The following SATB1 variants were observed in gnomAD, a reference collection of about 807,000 sequenced individuals.
SATB1 encodes the protein DNA-binding protein SATB1.
SATB1 carries 11 observed loss-of-function variants against 86.9 expected under a neutral mutation model. The observed-to-expected ratio is 0.13, with a 90% CI of 0.08 to 0.21. The LOEUF (loss-of-function observed/expected upper bound fraction) is 0.21, where lower values mean the gene tolerates loss of function less well. SATB1 is among the 10% of genes least tolerant of loss of function. SATB1 has a pLI of 1.00. For synonymous variants in SATB1, 357 were observed against 357.2 expected (o/e 1.00, Z 0.01); for missense variants, 551 against 937.6 (o/e 0.59, Z 5.39).
chr3:18,349,051 T>C lies in SATB1; in HGVS notation c.*119A>G, dbSNP rs1437451983. 2.0e-6 allele frequency: 3 copies of C among 1,472,004 alleles called. No homozygotes were observed. The highest frequency in any genetic ancestry group is 2.7e-6 in the Non-Finnish European group (3 of 1,110,626). 91.2% of individuals were successfully genotyped at this position (1,472,004 alleles called of 1,614,324 possible). On this transcript the variant is annotated 3_prime_UTR_variant, in exon 11 of 11. Transcript: ENST00000338745. This position sits in a 1 kb window ranked among gnomAD's most constrained non-coding sequence, Gnocchi z 5.5. The stretch of plus-strand genomic sequence containing the variant: ...TCCAACTTTTCTGTTTGTGCAAGTT[T>C]TTGAAGATTCATTGGCCAAACAATG...
At chr3:18,398,498 C>A (rs1466577722) in intron 5 of SATB1, among the ~76,000 whole-genome samples, 1 of 152,104 alleles carries the variant, frequency 6.6e-6, no homozygotes, top group Non-Finnish European at 1.5e-5. Flanking sequence ...AGTTTGGGGA[C>A]AAAAGTATTT....
intron 9 of SATB1, among the ~76,000 whole-genome samples, chr3:18,360,671 C>T (rs1007134521): frequency 6.6e-6 from 1 of 152,088 alleles, no homozygotes; most frequent in African/African-American, 2.4e-5. Flanking sequence ...GATTCTTCCT[C>T]TACAAACTGT....
At chr3:18,417,426 T>C (rs1698173750) in intron 2 of SATB1, 7 of 563,816 alleles carry the variant, frequency 1.2e-5, no homozygotes, top group South Asian at 7.0e-5. Context: ...TAATTTGCTA[T>C]GAGTAGTATA....
intron 9 of SATB1, among the ~76,000 whole-genome samples, chr3:18,370,922 A>G (rs986879529): frequency 5.3e-5 from 8 of 152,252 alleles, no homozygotes; most frequent in Non-Finnish European, 1.0e-4. Context: ...ATTCTGTCTC[A>G]TTAGAACCAC....
intron 5 of SATB1, among the ~76,000 whole-genome samples, chr3:18,404,031 C>G (rs890293736): frequency 4.6e-5 from 7 of 151,994 alleles, no homozygotes; most frequent in Admixed American, 4.6e-4. Context: ...CACAGGGATT[C>G]CTCGTAAATG....
intron 6 of SATB1, among the ~76,000 whole-genome samples, chr3:18,395,833 G>A (rs1310758159): frequency 6.6e-6 from 1 of 152,146 alleles, no homozygotes; most frequent in East Asian, 1.9e-4. Context: ...TCATCTCTAA[G>A]TATGTAAATG....
intron 5 of SATB1, among the ~76,000 whole-genome samples, chr3:18,408,423 A>G (rs922596680): frequency 6.6e-6 from 1 of 152,028 alleles, no homozygotes; most frequent in African/African-American, 2.4e-5. Flanking sequence ...AAACTGAAGC[A>G]CATACAATTC....
At chr3:18,433,096 T>C (rs1698941407) in intron 2 of SATB1, among the ~76,000 whole-genome samples, 1 of 152,134 alleles carries the variant, frequency 6.6e-6, no homozygotes, top group Non-Finnish European at 1.5e-5. Flanking sequence ...TGTAAGAAAA[T>C]GGTTCTCTTT....
intron 8 of SATB1, among the ~76,000 whole-genome samples, chr3:18,380,279 T>C (rs540731849): frequency 2.6e-5 from 4 of 152,330 alleles, no homozygotes; most frequent in South Asian, 4.1e-4. Flanking sequence ...TGCTAAGCAA[T>C]AGTTAAAAGA....
chr3:18,394,341 T>A lies in SATB1; in HGVS notation c.1206+121A>T, dbSNP rs1416672939. 4.9e-6 allele frequency: 4 copies of A among 815,420 alleles called. No individual in the cohort carries two copies. The highest frequency in any genetic ancestry group is 7.9e-6 in the Non-Finnish European group (4 of 508,706). The allele number at this position is 815,420 out of a possible 1,614,324, so 50.5% of individuals were successfully genotyped here. ...GCTCCACCAGGAATAGGTAATATGA[T>A]CACATGAAGAGAGAGAGAAAATGTT... On this transcript the variant is annotated intron_variant, in intron 7 of 10. Coordinates refer to ENST00000338745, the MANE Select transcript of SATB1 (RefSeq NM_002971.6). This position sits in a 1 kb window ranked among gnomAD's most constrained non-coding sequence, Gnocchi z 5.9.
At chr3:18,400,885 G>A (rs1326018842) in intron 5 of SATB1, among the ~76,000 whole-genome samples, 1 of 151,290 alleles carries the variant, frequency 6.6e-6, no homozygotes, top group Non-Finnish European at 1.5e-5. Context: ...GAATAGTAAA[G>A]GAAAACACCA....
At chr3:18,441,468 G>A (rs1165247878), upstream of SATB1, among the ~76,000 whole-genome samples, 2 of 152,126 alleles carry the variant, frequency 1.3e-5, no homozygotes, top group Non-Finnish European at 2.9e-5. Flanking sequence ...GAAATAGTCT[G>A]AAGATTGCTT....
intron 9 of SATB1, among the ~76,000 whole-genome samples, chr3:18,371,673 T>A (rs1475997570): frequency 6.6e-6 from 1 of 152,216 alleles, no homozygotes; most frequent in Non-Finnish European, 1.5e-5. Context: ...TATAAATGCA[T>A]TTTCATAGCT....
In SATB1 at chr3:18,363,758, A is replaced by G. The variant is rs1239574727; in HGVS notation, c.1576-11563T>C. Among the ~76,000 whole-genome samples the G allele has an allele frequency of 2.0e-5, 3 of 152,198 alleles. No homozygotes were observed. In the South Asian group the frequency reaches 6.2e-4, roughly 32 times the overall value. ...ACCATCTATGTGCTAGTCATTGTGT[A>G]GGCTAACAGGAGATGTGGGGACAAA... On this transcript the variant is annotated intron_variant, in intron 9 of 10. Coordinates refer to ENST00000338745, the MANE Select transcript of SATB1 (RefSeq NM_002971.6).
intron 9 of SATB1, among the ~76,000 whole-genome samples, chr3:18,376,170 A>G (rs1349109751): frequency 6.6e-6 from 1 of 151,958 alleles, no homozygotes; most frequent in Non-Finnish European, 1.5e-5. Context: ...CAAAATCAGT[A>G]CTCAGCCCAG....
intron 5 of SATB1, among the ~76,000 whole-genome samples, chr3:18,414,492 C>G (rs1698019302): frequency 6.6e-6 from 1 of 151,788 alleles, no homozygotes; most frequent in East Asian, 1.9e-4. Flanking sequence ...GTATAACAGG[C>G]ATCTCAGAGG....
intron 7 of SATB1, among the ~76,000 whole-genome samples, chr3:18,391,614 T>G (rs1398532981): frequency 1.4e-5 from 2 of 146,230 alleles, no homozygotes; most frequent in African/African-American, 5.1e-5. Context: ...CACCTATGAG[T>G]GAGAATATGC....
intron 8 of SATB1, among the ~76,000 whole-genome samples, chr3:18,382,429 A>G (rs921977250): frequency 2.6e-5 from 4 of 152,222 alleles, no homozygotes; most frequent in Non-Finnish European, 5.9e-5. Flanking sequence ...AAAATGCACA[A>G]ATCAAATTTT....
chr3:18,415,688 ATATT>A (rs1698073034), intron 4 of SATB1, among the ~76,000 whole-genome samples: 1 of 152,114 alleles, frequency 6.6e-6, no homozygotes, highest in Admixed American at 6.6e-5. Flanking sequence ...ATATGCAAAA[ATATT>A]TTTTTCTTAA....
Sources: gnomAD v4.1 joint callset for allele counts (sites outside exome capture counted in the v4.1 genomes callset) on GRCh38, gnomAD v4.1.1 for gene constraint, Gnocchi (gnomAD v3.1) non-coding constraint, MANE v1.5 for transcripts, NCBI Gene and HGNC (gene_info 2026-07-23, HGNC 2026-07-21) for gene names.